The following GTF2I variants were observed in gnomAD, a reference collection of about 807,000 sequenced individuals.
The protein encoded by GTF2I is general transcription factor II-I.
Under a neutral mutation model 67.6 loss-of-function variants are expected in GTF2I, and 12 were observed. That is an observed-to-expected ratio of 0.18 (90% confidence interval 0.11 to 0.29). The LOEUF is 0.29. GTF2I is among the 10% of genes least tolerant of loss of function. The probability of loss-of-function intolerance (pLI) is 1.00; values close to 1 mark genes in which losing one functional copy is unlikely to be tolerated. For synonymous variants in GTF2I, 149 were observed against 197.0 expected, an observed-to-expected ratio of 0.76 and a Z score of 2.04; for missense variants, 271 against 580.1, an observed-to-expected ratio of 0.47 and a Z score of 5.47.
chr7:74,679,957 T>C (rs1554393566), intron 1 of GTF2I, among the ~76,000 whole-genome samples: 1 of 150,460 alleles, frequency 6.6e-6, no homozygotes. Context: ...CGGACACCTG[T>C]AATCCCAGCT....
intron 6 of GTF2I, among the ~76,000 whole-genome samples, chr7:74,702,737 CTTT>C (rs782239295): frequency 2.1e-5 from 3 of 142,016 alleles, no homozygotes; most frequent in African/African-American, 2.5e-5. Flanking sequence ...TTCTTTCTTT[CTTT>C]TTTTTTTTTT....
At chr7:74,678,054 T>TCC (rs1490064641) in intron 1 of GTF2I, among the ~76,000 whole-genome samples, 1 of 150,672 alleles carries the variant, frequency 6.6e-6, no homozygotes, top group Non-Finnish European at 1.5e-5. Flanking sequence ...TCTGTCTGTC[T>TCC]CTCTCTCTCT....
At chr7:74,722,628 A>C (rs1341185146) in intron 12 of GTF2I, 1 of 151,966 alleles carries the variant, frequency 6.6e-6, no homozygotes, top group African/African-American at 2.4e-5. Flanking sequence ...ATTTTAAGTA[A>C]ATTCATTTTG....
At chr7:74,684,694 G>A (rs587604179) in intron 1 of GTF2I, 1 of 152,384 alleles carries the variant, frequency 6.6e-6, no homozygotes, top group African/African-American at 2.4e-5. Context: ...AGGCCCGTGG[G>A]TCGCCCTTGG....
chr7:74,695,653 C>T (rs1309972957), intron 3 of GTF2I, among the ~76,000 whole-genome samples: 12 of 152,078 alleles, frequency 7.9e-5, no homozygotes, highest in African/African-American at 1.4e-4. Flanking sequence ...CACTGTATTC[C>T]TCCCCCTGTC....
chr7:74,717,114 T>A, intron 11 of GTF2I, 164 bp downstream of exon 11: 1 of 904,222 alleles, frequency 1.1e-6, no homozygotes, highest in Non-Finnish European at 1.6e-6. Flanking sequence ...TTCTAAGATG[T>A]AATATACTTC....
chr7:74,675,281 T>C (rs1554392038), intron 1 of GTF2I, among the ~76,000 whole-genome samples: 1 of 152,222 alleles, frequency 6.6e-6, no homozygotes, highest in East Asian at 1.9e-4. Context: ...TTCCTCATGC[T>C]TATATTGAGG....
chr7:74,699,977 GAC>G (rs1554399420), intron 4 of GTF2I: 1 of 314,530 alleles, frequency 3.2e-6, no homozygotes, highest in East Asian at 6.1e-5. Flanking sequence ...CTTCAAGAAA[GAC>G]AATAGTGCAA....
intron 6 of GTF2I, among the ~76,000 whole-genome samples, chr7:74,704,268 T>TCTTATTTATTTA (rs1554400660): frequency 1.7e-4 from 25 of 144,342 alleles, no homozygotes; most frequent in African/African-American, 6.1e-4. Context: ...TAATTATTAT[T>TCTTATTTATTTA]TTTATTTATT....
chr7:74,670,312 G>T (rs1805340220), intron 1 of GTF2I, among the ~76,000 whole-genome samples: 1 of 152,162 alleles, frequency 6.6e-6, no homozygotes. Flanking sequence ...TTTGAGACAG[G>T]ACTTGAATTC....
rs1403460624 is a variant in GTF2I at position 74,695,139 on chromosome 7, G to GT, written c.239-3814dup. ...CCATTTTATTTTTATTTTTTATTTA[G>GT]TTTTTTTTGAGACAGAGTTTTGCTC... On this transcript the variant is annotated intron_variant, in intron 3 of 34. Coordinates refer to ENST00000573035, the MANE Select transcript of GTF2I (RefSeq NM_032999.4). 1.1e-4 allele frequency among the ~76,000 whole-genome samples: 16 copies of GT among 152,072 alleles called. No homozygotes were observed. In the East Asian group the frequency reaches 2.7e-3, roughly 26 times the overall value.
In GTF2I at chr7:74,670,732, A is replaced by C. The variant is rs587647621; in HGVS notation, c.-6+12664A>C. On this transcript the variant is annotated intron_variant, in intron 1 of 34. Coordinates refer to ENST00000573035, the MANE Select transcript of GTF2I (RefSeq NM_032999.4). ...AAACAAAAAAAAAAAACACCTCAAG[A>C]ACAAAGTAAAGATGGACCTTTAGAT... Among the ~76,000 whole-genome samples, 12 of 151,538 alleles carry C rather than the reference A, an allele frequency of 7.9e-5. No individual in the cohort carries two copies. In the South Asian group the frequency reaches 2.5e-3, roughly 31 times the overall value.
At chr7:74,663,857 C>T (rs1473603813) in intron 1 of GTF2I, among the ~76,000 whole-genome samples, 1 of 151,922 alleles carries the variant, frequency 6.6e-6, no homozygotes, top group Admixed American at 6.6e-5. Context: ...GAGACAGAGT[C>T]TCGCTTTTGT....
intron 11 of GTF2I, 104 bp downstream of exon 11, chr7:74,717,054 G>T: frequency 6.9e-7 from 1 of 1,455,592 alleles, no homozygotes; most frequent in South Asian, 1.3e-5. Context: ...AATAAAAGGT[G>T]ATTCCCTTGG....
At chr7:74,663,964 G>A (rs587737895) in intron 1 of GTF2I, among the ~76,000 whole-genome samples, 1 of 152,084 alleles carries the variant, frequency 6.6e-6, no homozygotes, top group African/African-American at 2.4e-5. Flanking sequence ...TAAGTAGCTG[G>A]GACTATAGGC....
rs782419130 is a variant in GTF2I at position 74,705,204 on chromosome 7, A to G, written c.627A>G (p.Leu209=). The G allele has an allele frequency of 3.7e-6, 6 of 1,600,782 alleles. No individual in the cohort carries two copies. Among genetic ancestry groups the G allele is most frequent in the Admixed American group, 3.3e-5 (2 of 59,952 alleles). The change falls in exon 7 of 35, where the codon CTA becomes CTG. Residue 209 remains leucine, a synonymous_variant. Transcript: ENST00000573035. The part of the protein sequence containing the change: ...VMVTDADRSI[L]SPGGSCGPIK... ...TAACAGATGCTGACAGGTCAATACT[A>G]TCTCCAGGTGGAAGGTAAAACCTAA...
chr7:74,721,234 T>C (rs1554404569), intron 12 of GTF2I, among the ~76,000 whole-genome samples: 1 of 152,156 alleles, frequency 6.6e-6, no homozygotes, highest in Non-Finnish European at 1.5e-5. Flanking sequence ...AGAGACAGGG[T>C]TTCTCCATCT....
At chr7:74,685,635 C>T (rs953459775) in intron 1 of GTF2I, among the ~76,000 whole-genome samples, 4 of 152,046 alleles carry the variant, frequency 2.6e-5, no homozygotes, top group South Asian at 2.1e-4. Context: ...GGCGTGGTGG[C>T]GGGCACCTGT....
intron 1 of GTF2I, among the ~76,000 whole-genome samples, chr7:74,665,016 C>T (rs587691327): frequency 1.2e-3 from 179 of 151,194 alleles, no homozygotes; most frequent in African/African-American, 3.8e-3. Context: ...CCTGGCTCAC[C>T]GCAATCTCCG....
Sources: allele counts gnomAD v4.1 joint callset (sites outside exome capture counted in the v4.1 genomes callset), GRCh38; gene constraint gnomAD v4.1.1; transcripts MANE v1.5; gene names NCBI Gene and HGNC (gene_info 2026-07-23, HGNC 2026-07-21).